The following TBL1X variants were observed in gnomAD, a reference collection of about 807,000 sequenced individuals.
TBL1X encodes the protein transducin beta like 1 X-linked, also known as F-box-like/WD repeat-containing protein TBL1X.
TBL1X carries 10 observed loss-of-function variants against 50.7 expected under a neutral mutation model. The observed-to-expected ratio is 0.20, with a 90% CI of 0.12 to 0.33. TBL1X has a LOEUF of 0.33. Ranked by LOEUF, TBL1X falls within the 10% of genes least tolerant of loss-of-function variation. The probability of loss-of-function intolerance (pLI) is 1.00; values close to 1 mark genes in which losing one functional copy is unlikely to be tolerated. For missense variants in TBL1X, 340 were observed against 504.4 expected (o/e 0.67, Z 3.12); for synonymous variants, 190 against 214.7 (o/e 0.88, Z 1.01).
chrX:9,700,246 C>T (rs1345798844), intron 12 of TBL1X, among the ~76,000 whole-genome samples: 5 of 112,318 alleles, frequency 4.5e-5, no homozygotes, highest in East Asian at 2.8e-4. Context: ...ACGCAGACCC[C>T]GGGGGGTGAG....
chrX:9,636,242 T>A (rs12840339), intron 2 of TBL1X: 4,955 of 110,113 alleles, frequency 0.045, 122 homozygotes, highest in Non-Finnish European at 0.069. Context: ...TTGCATAACA[T>A]CTGAACGTAC....
chrX:9,642,122 A>G (rs766979895), intron 3 of TBL1X, among the ~76,000 whole-genome samples: 12 of 111,541 alleles, frequency 1.1e-4, no homozygotes, highest in Non-Finnish European at 1.9e-4. Flanking sequence ...TCTCTTATCA[A>G]TGTTTTGAGT....
chrX:9,700,963 A>G (rs1012086007), intron 12 of TBL1X, among the ~76,000 whole-genome samples: 4 of 110,717 alleles, frequency 3.6e-5, no homozygotes, highest in African/African-American at 6.6e-5. Flanking sequence ...AATGCTAGAA[A>G]CCTGGGACCC....
chrX:9,657,090 A>C (rs2082869197), intron 5 of TBL1X, among the ~76,000 whole-genome samples: 1 of 112,313 alleles, frequency 8.9e-6, no homozygotes, highest in South Asian at 3.7e-4. Context: ...AGAAGTTGTC[A>C]GTAAATTCTG....
intron 2 of TBL1X, among the ~76,000 whole-genome samples, chrX:9,549,398 A>G (rs2082260295): frequency 8.8e-6 from 1 of 113,041 alleles, no homozygotes; most frequent in East Asian, 2.8e-4. Context: ...GTCATGACAC[A>G]TGAAAATGAT....
intron 2 of TBL1X, among the ~76,000 whole-genome samples, chrX:9,557,832 C>T (rs916446715): frequency 1.1e-4 from 12 of 111,664 alleles, no homozygotes; most frequent in Admixed American, 3.8e-4. Context: ...GTTTAATGGG[C>T]GTGGAGAACC....
chrX:9,580,484 C>G (rs752007906), intron 2 of TBL1X, among the ~76,000 whole-genome samples: 3 of 112,020 alleles, frequency 2.7e-5, no homozygotes, highest in Non-Finnish European at 3.8e-5. Context: ...ATCAGATATG[C>G]ATCTATATCA....
At chrX:9,470,668 G>A (rs1350184582) in intron 1 of TBL1X, among the ~76,000 whole-genome samples, 1 of 111,339 alleles carries the variant, frequency 9.0e-6, no homozygotes, top group Non-Finnish European at 1.9e-5. Context: ...GAATTTCATT[G>A]GTGTTTCCCA....
intron 2 of TBL1X, chrX:9,636,415 T>G (rs2082747000): frequency 9.0e-6 from 1 of 110,660 alleles, no homozygotes; most frequent in Non-Finnish European, 1.9e-5. Context: ...AAATAAGAAT[T>G]TTTTTAAAAG....
At position 9,711,671 on chromosome X, in the gene TBL1X, G is replaced by A. The variant is rs759158876; in HGVS notation, c.1500G>A (p.Thr500=). Reference sequence around the variant, plus strand: ...TAGAACGAGGCGTCTGCACCCACACGCTCACGAAGCATCAGGAGCCTGTCT... The same window carrying A: ...TAGAACGAGGCGTCTGCACCCACACACTCACGAAGCATCAGGAGCCTGTCT... The part of the protein sequence containing the change: ...WDIERGVCTH[T]LTKHQEPVYS... The change falls in exon 16 of 18, where the codon ACG becomes ACA. Residue 500 remains threonine, a synonymous_variant. Coordinates refer to ENST00000645353, the MANE Select transcript of TBL1X (RefSeq NM_005647.4). 4.1e-6 allele frequency: 5 copies of A among 1,209,797 alleles called. No homozygotes were observed. The Admixed American group carries it at 6.5e-5, about 16-fold the overall frequency.
At chrX:9,659,409 G>C (rs2082884331) in intron 5 of TBL1X, among the ~76,000 whole-genome samples, 1 of 112,467 alleles carries the variant, frequency 8.9e-6, no homozygotes, top group Non-Finnish European at 1.9e-5. Context: ...ATGCATTTGA[G>C]ATTCATGCAT....
intron 2 of TBL1X, among the ~76,000 whole-genome samples, chrX:9,563,106 G>A (rs148587848): frequency 0.04 from 4,476 of 112,672 alleles, 214 homozygotes; most frequent in African/African-American, 0.14. Context: ...CAGAAGCAGC[G>A]TTTCTTACCA....
chrX:9,670,005 A>G (rs1377594734), intron 5 of TBL1X, among the ~76,000 whole-genome samples: 2 of 111,836 alleles, frequency 1.8e-5, no homozygotes, highest in East Asian at 2.8e-4. Flanking sequence ...TATAGTTTCA[A>G]TGATAATAGT....
intron 1 of TBL1X, among the ~76,000 whole-genome samples, chrX:9,474,362 G>A (rs995267725): frequency 3.5e-5 from 4 of 113,264 alleles, no homozygotes; most frequent in African/African-American, 1.3e-4. Context: ...GTAGGACACA[G>A]TTGTACTCCC....
At chrX:9,683,938 A>G in intron 5 of TBL1X, 105 bp from the exon 6 acceptor site, 1 of 1,133,037 alleles carries the variant, frequency 8.8e-7, no homozygotes, top group Non-Finnish European at 1.2e-6. Flanking sequence ...GTCCCTGCAA[A>G]TTAAGTGTGT....
At chrX:9,575,303 C>T (rs953773716) in intron 2 of TBL1X, among the ~76,000 whole-genome samples, 1 of 111,474 alleles carries the variant, frequency 9.0e-6, no homozygotes, top group Non-Finnish European at 1.9e-5. Context: ...GATTACAGTT[C>T]GACATGAGAT....
At position 9,483,407 on chromosome X, in the gene TBL1X, T is replaced by G. The variant is rs1231854169; in HGVS notation, c.-201+17960T>G. Reference sequence around the variant, plus strand: ...AAGTGACTTTCAAACCCTTTAGAAGTATTCATTTACAAATGAACAATGAAA... The same window carrying G: ...AAGTGACTTTCAAACCCTTTAGAAGGATTCATTTACAAATGAACAATGAAA... On this transcript the variant is annotated intron_variant, in intron 1 of 17. Coordinates refer to ENST00000645353, the MANE Select transcript of TBL1X (RefSeq NM_005647.4). 1.2e-4 allele frequency among the ~76,000 whole-genome samples: 14 copies of G among 112,303 alleles called. No homozygotes were observed. In the Admixed American group the frequency reaches 1.3e-3, roughly 11 times the overall value.
intron 5 of TBL1X, among the ~76,000 whole-genome samples, chrX:9,660,138 T>C (rs1304646889): frequency 8.9e-6 from 1 of 112,899 alleles, no homozygotes; most frequent in African/African-American, 3.2e-5. Context: ...GGCTGGGCCC[T>C]GTGGCGGCCA....
intron 1 of TBL1X, among the ~76,000 whole-genome samples, chrX:9,489,557 T>C (rs1245134797): frequency 1.8e-5 from 2 of 111,553 alleles, no homozygotes; most frequent in Non-Finnish European, 3.8e-5. Flanking sequence ...TGGGCTAGGC[T>C]TAGGGTTGAA....
Sources: allele counts gnomAD v4.1 joint callset (sites outside exome capture counted in the v4.1 genomes callset), GRCh38; gene constraint gnomAD v4.1.1; transcripts MANE v1.5; gene names NCBI Gene and HGNC (gene_info 2026-07-23, HGNC 2026-07-21).